CRISP1: variants seen among roughly 807,000 people sequenced by gnomAD.
The protein encoded by CRISP1 is cysteine rich secretory protein 1, also known as cysteine-rich secretory protein 1.
Under a neutral mutation model 33.1 loss-of-function variants are expected in CRISP1, and 44 were observed. The ratio of observed to expected loss-of-function variants is 1.33; its 90% confidence interval spans 1.05 to 1.71. CRISP1 has a LOEUF of 1.71. Ranked by LOEUF, CRISP1 falls within the 40% of genes most tolerant of loss-of-function variation. The probability of loss-of-function intolerance (pLI) is 0.00; values close to 1 mark genes in which losing one functional copy is unlikely to be tolerated. For missense variants in CRISP1, 390 were observed against 301.2 expected, an observed-to-expected ratio of 1.29 and a Z score of -2.18; for synonymous variants, 103 against 98.7, an observed-to-expected ratio of 1.04 and a Z score of -0.26.
At chr6:49,872,982 T>G (rs971399231) in intron 1 of CRISP1, among the ~76,000 whole-genome samples, 1 of 152,062 alleles carries the variant, frequency 6.6e-6, no homozygotes, top group African/African-American at 2.4e-5. Context: ...ATCTATAAAT[T>G]ACCTTGGGGA....
chr6:49,846,445 G>A, intron 5 of CRISP1, 75 bp downstream of exon 5: 2 of 1,436,440 alleles, frequency 1.4e-6, no homozygotes, highest in Middle Eastern at 1.8e-4. Context: ...ATGATTTTCA[G>A]TTGTTTCTTA....
intron 6 of CRISP1, among the ~76,000 whole-genome samples, chr6:49,840,380 A>G (rs754370919): frequency 7.9e-5 from 12 of 152,168 alleles, no homozygotes; most frequent in Non-Finnish European, 1.5e-4. Flanking sequence ...TTAATTTTTA[A>G]AGAGAAGACA....
intron 1 of CRISP1, among the ~76,000 whole-genome samples, chr6:49,871,556 C>T (rs1006334384): frequency 1.6e-4 from 18 of 109,844 alleles, no homozygotes; most frequent in African/African-American, 3.9e-4. Flanking sequence ...CCCCTCCCCC[C>T]GCCCCACAAC....
chr6:49,850,963 G>A (rs1187462215), intron 3 of CRISP1, among the ~76,000 whole-genome samples: 1 of 152,016 alleles, frequency 6.6e-6, no homozygotes, highest in Non-Finnish European at 1.5e-5. Flanking sequence ...TTTTTCTTAG[G>A]TTCAGTGTCA....
chr6:49,839,541 A>C (rs913442882), intron 6 of CRISP1, among the ~76,000 whole-genome samples: 3 of 152,184 alleles, frequency 2.0e-5, no homozygotes, highest in African/African-American at 7.2e-5. Flanking sequence ...TACAACTTTA[A>C]AAAGTAAATG....
At chr6:49,859,819 G>A (rs1771598749) in intron 1 of CRISP1, among the ~76,000 whole-genome samples, 1 of 152,026 alleles carries the variant, frequency 6.6e-6, no homozygotes, top group Non-Finnish European at 1.5e-5. Flanking sequence ...AATACAGAGT[G>A]GCTGAATGGA....
chr6:49,848,338 A>C, intron 3 of CRISP1, 39 bp from the exon 4 acceptor site: 1 of 1,162,998 alleles, frequency 8.6e-7, no homozygotes. Flanking sequence ...GTTCCAATTA[A>C]TATTTTCATA....
chr6:49,871,057 C>T (rs76944584), upstream of CRISP1, among the ~76,000 whole-genome samples: 24,264 of 151,134 alleles, frequency 0.16, 2,490 homozygotes, highest in East Asian at 0.28. Context: ...GCTGAGAGAT[C>T]GCGCCATTGC....
chr6:49,848,732 A>T (rs1771261413), intron 3 of CRISP1, among the ~76,000 whole-genome samples: 1 of 152,154 alleles, frequency 6.6e-6, no homozygotes, highest in Admixed American at 6.6e-5. Flanking sequence ...AATACAACTG[A>T]GATGTGACAA....
At chr6:49,858,698 C>T (rs1441194188) in intron 1 of CRISP1, among the ~76,000 whole-genome samples, 1 of 152,044 alleles carries the variant, frequency 6.6e-6, no homozygotes, top group African/African-American at 2.4e-5. Context: ...TATGGTGACA[C>T]AGATGATGAA....
At chr6:49,872,033 T>C (rs374280868) in intron 1 of CRISP1, among the ~76,000 whole-genome samples, 27 of 152,090 alleles carry the variant, frequency 1.8e-4, no homozygotes, top group African/African-American at 4.8e-4. Context: ...AAAAGTGTTC[T>C]TATTTCTCCA....
intron 2 of CRISP1, among the ~76,000 whole-genome samples, chr6:49,854,099 AG>A (rs1771428569): frequency 6.6e-6 from 1 of 152,162 alleles, no homozygotes; most frequent in African/African-American, 2.4e-5. Context: ...CCCTCAGTAA[AG>A]AGAAGCCATC....
Position 49,841,066 on chromosome 6 carries a change from A to C in CRISP1, c.436-71T>G, listed in dbSNP as rs544995060. 18 of 1,304,370 alleles carry C rather than the reference A, an allele frequency of 1.4e-5. 1 individual carries two copies. Among genetic ancestry groups the C allele is most frequent in the South Asian group, 9.9e-5 (8 of 80,978 alleles). The allele number at this position is 1,304,370 out of a possible 1,614,324, so 80.8% of individuals were successfully genotyped here. On this transcript the variant is annotated intron_variant, in intron 5 of 7. Transcript: ENST00000335847. ...AAATGACTATAATATCCATATTGTC[A>C]TCCATGATTAAAAGTAAACATGTTG...
chr6:49,842,903 T>C (rs1771040319), intron 5 of CRISP1, among the ~76,000 whole-genome samples: 2 of 152,198 alleles, frequency 1.3e-5, no homozygotes, highest in African/African-American at 4.8e-5. Flanking sequence ...TGTTAAATTT[T>C]AAGCAAATGA....
intron 7 of CRISP1, among the ~76,000 whole-genome samples, chr6:49,836,586 G>T (rs112321459): frequency 6.6e-6 from 1 of 151,758 alleles, no homozygotes; most frequent in African/African-American, 2.4e-5. Context: ...TGATCCGCCC[G>T]CCTCGGCCTC....
At chr6:49,852,892 A>ACATG (rs1172467973) in intron 2 of CRISP1, among the ~76,000 whole-genome samples, 1 of 147,242 alleles carries the variant, frequency 6.8e-6, no homozygotes, top group African/African-American at 2.5e-5. Flanking sequence ...GTGTGATATC[A>ACATG]CATGTACTTC....
Position 49,855,309 on chromosome 6 carries a change from A to G in CRISP1, c.66+2026T>C, listed in dbSNP as rs554047227. On this transcript the variant is annotated intron_variant, in intron 2 of 7. Coordinates refer to ENST00000335847, the MANE Select transcript of CRISP1 (RefSeq NM_001131.3). ...AGTAAAAATTTTAAAACACAGACAC[A>G]ATGGATTCACTTTACTGTTAGAAGT... Among the ~76,000 whole-genome samples the G allele has an allele frequency of 2.2e-4, 34 of 152,268 alleles. No individual in the cohort carries two copies. The South Asian group carries it at 7.1e-3, about 32-fold the overall frequency.
intron 1 of CRISP1, among the ~76,000 whole-genome samples, chr6:49,862,001 A>G (rs937574906): frequency 6.6e-6 from 1 of 152,220 alleles, no homozygotes; most frequent in East Asian, 1.9e-4. Flanking sequence ...ACAAGACAAC[A>G]TTGCCCATGT....
chr6:49,857,206 T>C, intron 2 of CRISP1, 129 bp downstream of exon 2: 2 of 764,036 alleles, frequency 2.6e-6, no homozygotes, highest in Non-Finnish European at 2.1e-6. Flanking sequence ...AACAGGGCTA[T>C]TGTGAAAACA....
Sources: allele counts gnomAD v4.1 joint callset (sites outside exome capture counted in the v4.1 genomes callset), GRCh38; gene constraint gnomAD v4.1.1; transcripts MANE v1.5; gene names NCBI Gene and HGNC (gene_info 2026-07-23, HGNC 2026-07-21).